TENM2: variants seen among roughly 807,000 people sequenced by gnomAD.
The protein encoded by TENM2 is teneurin transmembrane protein 2.
A neutral mutation model predicts 245.2 loss-of-function variants in TENM2; 52 were observed. That is an observed-to-expected ratio of 0.21 (90% CI 0.17 to 0.27). The LOEUF (loss-of-function observed/expected upper bound fraction) is 0.27. Ranked by LOEUF, TENM2 falls within the 10% of genes least tolerant of loss-of-function variation. The pLI is 1.00. For synonymous variants in TENM2, 1,363 were observed against 1,438.9 expected, an observed-to-expected ratio of 0.95 and a Z score of 1.19; for missense variants, 3,046 against 3,666.8, an observed-to-expected ratio of 0.83 and a Z score of 4.37.
At chr5:167,508,656 T>C (rs1582240510) in intron 2 of TENM2, among the ~76,000 whole-genome samples, 1 of 152,178 alleles carries the variant, frequency 6.6e-6, no homozygotes, top group East Asian at 1.9e-4. Flanking sequence ...AATAAGCTAA[T>C]GTTAAGAGTT....
chr5:167,170,141 A>G, the TENM2 span, among the ~76,000 whole-genome samples: 1 of 152,238 alleles, frequency 6.6e-6, no homozygotes, highest in African/African-American at 2.4e-5. Context: ...TCTAGAGAAT[A>G]GCCTATGCTG....
intron 2 of TENM2, among the ~76,000 whole-genome samples, chr5:167,592,990 T>G (rs1228851338): frequency 6.6e-6 from 1 of 152,202 alleles, no homozygotes; most frequent in Non-Finnish European, 1.5e-5. Context: ...TATTGTGGTC[T>G]TTTTCTTTGT....
At chr5:167,167,980 G>A in the TENM2 span, among the ~76,000 whole-genome samples, 1 of 152,152 alleles carries the variant, frequency 6.6e-6, no homozygotes, top group Non-Finnish European at 1.5e-5. Context: ...GGTAGTAATT[G>A]CAGAGGGAGG....
At chr5:168,115,807 C>A (rs1795040231) in intron 9 of TENM2, among the ~76,000 whole-genome samples, 1 of 152,226 alleles carries the variant, frequency 6.6e-6, no homozygotes, top group Non-Finnish European at 1.5e-5. Context: ...GGAATACCAA[C>A]TCTGCCTGCT....
chr5:167,210,852 A>G, the TENM2 span, among the ~76,000 whole-genome samples: 168 of 152,324 alleles, frequency 1.1e-3, no homozygotes, highest in South Asian at 0.013. Context: ...GCAGTAGATT[A>G]AATAAACACC....
intron 12 of TENM2, among the ~76,000 whole-genome samples, chr5:168,136,204 A>G (rs969902356): frequency 6.6e-6 from 1 of 152,206 alleles, no homozygotes. Context: ...CAAGACAGAT[A>G]GGACTGAAAT....
intron 1 of TENM2, among the ~76,000 whole-genome samples, chr5:167,344,327 T>TAGATAG (rs367690616): frequency 1.8e-3 from 183 of 102,680 alleles, no homozygotes; most frequent in African/African-American, 5.5e-3. Flanking sequence ...TATATATATA[T>TAGATAG]ATAGATATAT....
the TENM2 span, among the ~76,000 whole-genome samples, chr5:167,039,030 A>G: frequency 6.6e-6 from 1 of 152,198 alleles, no homozygotes; most frequent in Non-Finnish European, 1.5e-5. Flanking sequence ...TTGTAAAATA[A>G]AAGATGTAAA....
At chr5:167,070,459 CA>C in the TENM2 span, among the ~76,000 whole-genome samples, 1 of 151,920 alleles carries the variant, frequency 6.6e-6, no homozygotes, top group Non-Finnish European at 1.5e-5. Flanking sequence ...ATGCAAATAA[CA>C]AAACATGGTG....
At chr5:166,999,988 C>A in the TENM2 span, among the ~76,000 whole-genome samples, 3 of 152,016 alleles carry the variant, frequency 2.0e-5, no homozygotes, top group Middle Eastern at 3.4e-3. Flanking sequence ...CAGAGGAGAC[C>A]CCTGTAAGAG....
intron 4 of TENM2, among the ~76,000 whole-genome samples, chr5:167,972,861 T>C (rs1157969374): frequency 1.3e-5 from 2 of 152,278 alleles, no homozygotes; most frequent in Non-Finnish European, 1.5e-5. Flanking sequence ...ATGCCAGATA[T>C]AGTATGAGAA....
rs139165158 is a variant in TENM2 at position 168,125,288 on chromosome 5, G to C, written c.2209+238G>C. Among the ~76,000 whole-genome samples the C allele has an allele frequency of 6.7e-3, 1,014 of 152,202 alleles. 15 individuals carry two copies. Among genetic ancestry groups the C allele is most frequent in the African/African-American group, 0.024 (977 of 41,530 alleles). On this transcript the variant is annotated intron_variant, in intron 11 of 28. Coordinates refer to ENST00000518659, the Ensembl canonical transcript of TENM2. ...CGCAAATGCATGAGGAGCCCAGGAG[G>C]GATGCTTCCATTTGCATTATAGGTT...
chr5:167,040,641 ATTC>A, the TENM2 span, among the ~76,000 whole-genome samples: 1 of 152,286 alleles, frequency 6.6e-6, no homozygotes, highest in South Asian at 2.1e-4. Context: ...TTCAACAGCT[ATTC>A]TTCTTTGGAG....
chr5:167,513,992 T>G (rs911538047), intron 2 of TENM2, among the ~76,000 whole-genome samples: 2 of 152,194 alleles, frequency 1.3e-5, no homozygotes, highest in African/African-American at 4.8e-5. Flanking sequence ...CTTAGCTGTT[T>G]CTTTCAATGC....
intron 2 of TENM2, among the ~76,000 whole-genome samples, chr5:167,807,149 A>AAAAAAAAG (rs1452144967): frequency 6.8e-6 from 1 of 147,488 alleles, no homozygotes; most frequent in East Asian, 2.0e-4. Flanking sequence ...AAAAAAAAAA[A>AAAAAAAAG]AAAAAAAGAA....
At chr5:167,885,027 C>A (rs1774176060) in intron 3 of TENM2, among the ~76,000 whole-genome samples, 1 of 152,032 alleles carries the variant, frequency 6.6e-6, no homozygotes, top group South Asian at 2.1e-4. Context: ...GTGCTTATTG[C>A]CTGTTTTTAT....
chr5:167,272,733 A>G, the TENM2 span, among the ~76,000 whole-genome samples: 17,659 of 152,184 alleles, frequency 0.12, 1,215 homozygotes, highest in East Asian at 0.18. Context: ...ATTTGGAAAT[A>G]GCTGGCTTTC....
chr5:167,857,205 C>A (rs766395718), intron 2 of TENM2, among the ~76,000 whole-genome samples: 3 of 152,332 alleles, frequency 2.0e-5, no homozygotes, highest in Middle Eastern at 3.4e-3. Flanking sequence ...GGTATAGATA[C>A]ATGCAAGATT....
At chr5:167,460,876 T>A (rs1378643077) in intron 2 of TENM2, among the ~76,000 whole-genome samples, 1 of 152,210 alleles carries the variant, frequency 6.6e-6, no homozygotes, top group African/African-American at 2.4e-5. Flanking sequence ...TTAAGGATTG[T>A]ATGATTGGTG....
Sources: gnomAD v4.1 joint callset for allele counts (sites outside exome capture counted in the v4.1 genomes callset) on GRCh38, gnomAD v4.1.1 for gene constraint, MANE v1.5 for transcripts, NCBI Gene and HGNC (gene_info 2026-07-23, HGNC 2026-07-21) for gene names.